The following WDR25 variants were observed in gnomAD, a reference collection of about 807,000 sequenced individuals.
WDR25 encodes WD repeat domain 25, also known as WD repeat-containing protein 25.
Under a neutral mutation model 47.7 loss-of-function variants are expected in WDR25, and 35 were observed. The ratio of observed to expected loss-of-function variants is 0.73; its 90% CI spans 0.56 to 0.97. WDR25 has a LOEUF of 0.97. Among genes scored for constraint, WDR25 ranks in the 50% least tolerant of loss-of-function variants. The pLI is 0.00. For missense variants in WDR25, 634 were observed against 704.7 expected (o/e 0.90, Z 1.14); for synonymous variants, 248 against 278.9 (o/e 0.89, Z 1.10).
chr14:100,395,478 C>T (rs924438119), intron 2 of WDR25, among the ~76,000 whole-genome samples: 1 of 152,136 alleles, frequency 6.6e-6, no homozygotes, highest in Non-Finnish European at 1.5e-5. Context: ...AAACTGAGGA[C>T]CAGAGGGGCG....
At chr14:100,483,071 G>A (rs1310622969) in intron 3 of WDR25, among the ~76,000 whole-genome samples, 1 of 152,182 alleles carries the variant, frequency 6.6e-6, no homozygotes, top group Non-Finnish European at 1.5e-5. Flanking sequence ...CCTCCCCAAG[G>A]CCAGTCTGCC....
intron 2 of WDR25, among the ~76,000 whole-genome samples, chr14:100,442,078 AG>A (rs1466794990): frequency 6.6e-6 from 1 of 152,168 alleles, no homozygotes; most frequent in Non-Finnish European, 1.5e-5. Flanking sequence ...GAACATGGAG[AG>A]GGCCAGCTTT....
chr14:100,380,943 T>C lies in WDR25; in HGVS notation c.19T>C (p.Ser7Pro), dbSNP rs764999916. The part of the protein sequence containing the change: MTARTL[S>P]LMASLVAYDD... ...GCTTTGAATGACAGCAAGAACTCTG[T>C]CTTTAATGGCTTCATTGGTAGCGTA... Residue 7 changes from serine (S) to proline (P), a missense_variant, in exon 2 of 7, where the codon TCT becomes CCT. Transcript: ENST00000402312. 2 of 1,613,500 alleles carry C rather than the reference T, an allele frequency of 1.2e-6. No individual in the cohort carries two copies. The highest frequency in any genetic ancestry group is 2.7e-5 in the African/African-American group (2 of 74,928).
At position 100,440,174 on chromosome 14, in the gene WDR25, G is replaced by A. The variant is rs184745643; in HGVS notation, c.823-27847G>A. On this transcript the variant is annotated intron_variant, in intron 2 of 6. Coordinates refer to ENST00000402312, the MANE Select transcript of WDR25 (RefSeq NM_001161476.3). The surrounding 1 kb of genome is among the most constrained non-coding windows in gnomAD (Gnocchi z 4.4). ...GAGTAGTCCTGGGGTGGAAAGCAGC[G>A]TTTTCCTTTTTCAATTTCAACCTGA... Among the ~76,000 whole-genome samples the A allele has an allele frequency of 5.4e-4, 83 of 152,320 alleles. 1 individual carries two copies. The highest frequency in any genetic ancestry group is 1.8e-3 in the African/African-American group (74 of 41,572).
intron 2 of WDR25, among the ~76,000 whole-genome samples, chr14:100,462,218 G>T (rs1899438487): frequency 6.6e-6 from 1 of 152,126 alleles, no homozygotes; most frequent in Non-Finnish European, 1.5e-5. Flanking sequence ...ACAAGTGACT[G>T]CACCATATTT....
intron 2 of WDR25, among the ~76,000 whole-genome samples, chr14:100,412,360 T>A (rs1897736197): frequency 6.6e-6 from 1 of 152,158 alleles, no homozygotes; most frequent in Non-Finnish European, 1.5e-5. Flanking sequence ...TCAGGAATCA[T>A]TGTTGCCCTC....
intron 2 of WDR25, among the ~76,000 whole-genome samples, chr14:100,438,587 G>T (rs986270043): frequency 1.3e-5 from 2 of 152,184 alleles, no homozygotes; most frequent in African/African-American, 4.8e-5. Flanking sequence ...GTGGCTATGG[G>T]GAGCTGAGCC....
At chr14:100,396,296 G>C (rs950240959) in intron 2 of WDR25, among the ~76,000 whole-genome samples, 1 of 152,170 alleles carries the variant, frequency 6.6e-6, no homozygotes, top group African/African-American at 2.4e-5. Flanking sequence ...TATTTACACT[G>C]TCAGGTAATG....
chr14:100,503,044 C>T (rs1038571459), intron 4 of WDR25, among the ~76,000 whole-genome samples: 3 of 150,144 alleles, frequency 2.0e-5, no homozygotes, highest in African/African-American at 7.4e-5. Flanking sequence ...TGTCTGTGTC[C>T]GTGTGTGTGT....
intron 3 of WDR25, among the ~76,000 whole-genome samples, chr14:100,470,923 C>T (rs1309998576): frequency 2.6e-5 from 4 of 152,182 alleles, no homozygotes; most frequent in African/African-American, 9.6e-5. Flanking sequence ...CTAGGAATGG[C>T]GCTCACCACT....
intron 2 of WDR25, among the ~76,000 whole-genome samples, chr14:100,447,370 C>T (rs949312807): frequency 1.3e-5 from 2 of 152,222 alleles, no homozygotes; most frequent in South Asian, 2.1e-4. Flanking sequence ...CAACTTCCCA[C>T]GAGTTAGCAG....
intron 3 of WDR25, among the ~76,000 whole-genome samples, chr14:100,482,693 T>TG (rs973452349): frequency 3.3e-5 from 5 of 152,082 alleles, no homozygotes; most frequent in African/African-American, 4.8e-5. Context: ...CACTAATGTG[T>TG]GGGGGTCACA....
intron 2 of WDR25, among the ~76,000 whole-genome samples, chr14:100,456,542 A>G (rs1253591730): frequency 6.6e-6 from 1 of 152,224 alleles, no homozygotes; most frequent in African/African-American, 2.4e-5. Flanking sequence ...CTTATTAAGA[A>G]GAGACATGGG....
chr14:100,413,570 C>G (rs1014648030), intron 2 of WDR25, among the ~76,000 whole-genome samples: 1 of 152,086 alleles, frequency 6.6e-6, no homozygotes, highest in Non-Finnish European at 1.5e-5. Flanking sequence ...CCCACCACCA[C>G]GCCCGGCTAA....
rs1198410163 is a variant in WDR25, at chr14:100,488,985, G to A, written c.1101+4861G>A. 6.6e-6 allele frequency among the ~76,000 whole-genome samples: 1 copy of A among 152,222 alleles called. No homozygotes were observed. Among genetic ancestry groups the A allele is most frequent in the Admixed American group, 6.5e-5 (1 of 15,284 alleles). On this transcript the variant is annotated intron_variant, in intron 4 of 6. Transcript: ENST00000402312. This position sits in a 1 kb window ranked among gnomAD's most constrained non-coding sequence, Gnocchi z 4.2. ...TGAGCTGATGGGGTCAGCCGCCACT[G>A]TCATTGTGATAGAGGCCTGCAGGAG...
chr14:100,388,017 C>G (rs1016067122), intron 2 of WDR25, among the ~76,000 whole-genome samples: 2 of 152,320 alleles, frequency 1.3e-5, no homozygotes, highest in African/African-American at 2.4e-5. Flanking sequence ...CATTCAAAGA[C>G]AAGGGATTTA....
In WDR25 at chr14:100,525,725, C is replaced by A; in HGVS notation, c.1102-145C>A. On this transcript the variant is annotated intron_variant, in intron 4 of 6. Coordinates refer to ENST00000402312, the MANE Select transcript of WDR25 (RefSeq NM_001161476.3). The surrounding 1 kb of genome is among the most constrained non-coding windows in gnomAD (Gnocchi z 4.6). ...GGAGGGTCCATGATTCCATATATGG[C>A]TTGTGGGTGCTGCTCAGCCTGGGTG... 2 of 906,112 alleles carry A rather than the reference C, an allele frequency of 2.2e-6. No homozygotes were observed. The highest frequency in any genetic ancestry group is 1.7e-5 in the African/African-American group (1 of 59,498). The allele number at this position is 906,112 out of a possible 1,614,324, so 56.1% of individuals were successfully genotyped here. A position where few individuals can be genotyped will look rare whatever the true frequency, so the allele number is the denominator to read the frequency against.
At chr14:100,460,365 G>T (rs1199729309) in intron 2 of WDR25, among the ~76,000 whole-genome samples, 1 of 152,038 alleles carries the variant, frequency 6.6e-6, no homozygotes. Context: ...GCCTGCCTCG[G>T]CCTCCCAAAG....
chr14:100,448,550 G>T (rs1249343961), intron 2 of WDR25, among the ~76,000 whole-genome samples: 1 of 152,252 alleles, frequency 6.6e-6, no homozygotes, highest in East Asian at 1.9e-4. Context: ...GGGAGCCCTA[G>T]TCTCTTCATC....
Sources: allele counts gnomAD v4.1 joint callset (sites outside exome capture counted in the v4.1 genomes callset), GRCh38; gene constraint gnomAD v4.1.1; non-coding constraint Gnocchi (gnomAD v3.1); transcripts MANE v1.5; gene names NCBI Gene and HGNC (gene_info 2026-07-23, HGNC 2026-07-21).